CCND3: variants seen among roughly 807,000 people sequenced by gnomAD.
CCND3 encodes the protein G1/S-specific cyclin-D3.
CCND3 carries 9 observed loss-of-function variants against 28.7 expected under a neutral mutation model. That is an observed-to-expected ratio of 0.31 (90% confidence interval 0.19 to 0.55). The LOEUF (loss-of-function observed/expected upper bound fraction) is 0.55, where lower values mean the gene tolerates loss of function less well. Ranked by LOEUF, CCND3 falls within the 20% of genes least tolerant of loss-of-function variation. CCND3 has a pLI of 0.93. For synonymous variants in CCND3, 164 were observed against 163.9 expected (o/e 1.00, Z 0.00); for missense variants, 315 against 385.8 (o/e 0.82, Z 1.54).
chr6:41,940,822 G>A, intron 1 of CCND3: 1 of 1,011,514 alleles, frequency 9.9e-7, no homozygotes, highest in Non-Finnish European at 1.6e-6. Context: ...AAGCCAAGGA[G>A]CCCTTGCTCA....
At chr6:41,971,487 G>T (rs932534194) in intron 1 of CCND3, among the ~76,000 whole-genome samples, 1 of 152,086 alleles carries the variant, frequency 6.6e-6, no homozygotes, top group Non-Finnish European at 1.5e-5. Flanking sequence ...AACAGAGGCT[G>T]AGAGAGGTGG....
chr6:41,941,087 C>A lies in CCND3; in HGVS notation c.198+365G>T, dbSNP rs1775997777. The stretch of plus-strand genomic sequence containing the variant: ...AAAGACACAGGAACCGGCTCCCGGG[C>A]GGGGGCGGCCGAGCCCAGGGTTTTC... On this transcript the variant is annotated intron_variant, in intron 1 of 4. Coordinates refer to ENST00000372991, the MANE Select transcript of CCND3 (RefSeq NM_001760.5). The surrounding 1 kb of genome is among the most constrained non-coding windows in gnomAD (Gnocchi z 6.1). 2 of 1,549,972 alleles carry A rather than the reference C, an allele frequency of 1.3e-6. No individual in the cohort carries two copies. The highest frequency in any genetic ancestry group is 8.7e-7 in the Non-Finnish European group (1 of 1,148,650).
In CCND3 at chr6:41,986,379, TAAACATTAATTCTTCCAATTCATGA is replaced by T. The variant is rs1762480993; in HGVS notation, c.-45-45819_-45-45795del. ...AGGTAACGTCAGGTAATAATTAATT[TAAACATTAATTCTTCCAATTCATGA>T]ACACAGAATATCATTCCATTTATTT... On this transcript the variant is annotated intron_variant, in intron 1 of 4. Transcript: ENST00000372988. Among the ~76,000 whole-genome samples, 4 of 2,972 alleles carry T rather than the reference TAAACATTAATTCTTCCAATTCATGA, an allele frequency of 1.3e-3. 1 individual carries two copies. The South Asian group carries it at 0.67, about 495-fold the overall frequency. 1.9% of individuals were successfully genotyped at this position (2,972 alleles called of 152,430 possible). A position where few individuals can be genotyped will look rare whatever the true frequency, so the allele number is the denominator to read the frequency against.
chr6:42,004,625 G>A (rs564371845), intron 1 of CCND3, among the ~76,000 whole-genome samples: 33 of 152,122 alleles, frequency 2.2e-4, no homozygotes, highest in Non-Finnish European at 3.7e-4. Flanking sequence ...CCAGCTACTC[G>A]GAGGCTGAGG....
At chr6:41,971,103 A>G (rs1322351437) in intron 1 of CCND3, among the ~76,000 whole-genome samples, 3 of 151,900 alleles carry the variant, frequency 2.0e-5, no homozygotes, top group Non-Finnish European at 4.4e-5. Flanking sequence ...TTTTTAGTAA[A>G]GACGGGGTTT....
rs889701960 is a variant in CCND3, at chr6:41,941,709, G to A, written c.-60C>T. ...GCTCGCGAGTCCCAAGGCAGGCGACGGGCCGGAGAGCGCGGGGCGCGGGTC... is the reference window on the plus strand; with the variant it reads ...GCTCGCGAGTCCCAAGGCAGGCGACAGGCCGGAGAGCGCGGGGCGCGGGTC... On this transcript the variant is annotated 5_prime_UTR_variant, in exon 1 of 5. Coordinates refer to ENST00000372991, the MANE Select transcript of CCND3 (RefSeq NM_001760.5). This position sits in a 1 kb window ranked among gnomAD's most constrained non-coding sequence, Gnocchi z 6.1. 4 of 1,201,364 alleles carry A rather than the reference G, an allele frequency of 3.3e-6. No individual in the cohort carries two copies. In the South Asian group the frequency reaches 7.4e-5, roughly 22 times the overall value. 74.4% of individuals were successfully genotyped at this position (1,201,364 alleles called of 1,614,324 possible).
intron 1 of CCND3, among the ~76,000 whole-genome samples, chr6:42,028,863 G>A (rs1249712152): frequency 2.0e-5 from 3 of 152,268 alleles, no homozygotes; most frequent in Non-Finnish European, 2.9e-5. Context: ...GTTCGTGTTC[G>A]CTATTTTCAA....
intron 1 of CCND3, among the ~76,000 whole-genome samples, chr6:41,971,721 A>T (rs1280170353): frequency 5.3e-5 from 8 of 150,690 alleles, no homozygotes; most frequent in African/African-American, 1.5e-4. Context: ...TGTATTTCTA[A>T]TAGAGACGGG....
At chr6:41,966,485 G>C (rs570328292) in intron 1 of CCND3, among the ~76,000 whole-genome samples, 2 of 152,226 alleles carry the variant, frequency 1.3e-5, no homozygotes, top group African/African-American at 4.8e-5. Flanking sequence ...TCTTAGGCAT[G>C]GAGCCCAGGT....
intron 1 of CCND3, among the ~76,000 whole-genome samples, chr6:41,953,052 A>C (rs1582101846): frequency 6.6e-6 from 1 of 152,062 alleles, no homozygotes; most frequent in Non-Finnish European, 1.5e-5. Flanking sequence ...CAGGCAGATC[A>C]CCTGAGGTCG....
chr6:41,960,970 CA>C (rs1266241800), intron 1 of CCND3, among the ~76,000 whole-genome samples: 3 of 152,132 alleles, frequency 2.0e-5, no homozygotes, highest in African/African-American at 4.8e-5. Context: ...TCTCCACTTT[CA>C]GGAGTTTCCC....
At chr6:42,007,361 G>A (rs776356246) in intron 1 of CCND3, among the ~76,000 whole-genome samples, 6 of 152,184 alleles carry the variant, frequency 3.9e-5, no homozygotes, top group Non-Finnish European at 5.9e-5. Context: ...TGGCCATGAG[G>A]GTGGCTAGTA....
At chr6:41,996,123 A>AAT (rs200911314) in intron 1 of CCND3, among the ~76,000 whole-genome samples, 22 of 96,946 alleles carry the variant, frequency 2.3e-4, no homozygotes, top group South Asian at 1.2e-3. Context: ...ATATATATAT[A>AAT]ATATATATAT....
chr6:42,008,337 C>T (rs183026678), intron 1 of CCND3, among the ~76,000 whole-genome samples: 4 of 152,096 alleles, frequency 2.6e-5, no homozygotes, highest in East Asian at 1.9e-4. Flanking sequence ...GAGATCATGC[C>T]GCTGCATTCC....
At chr6:42,046,653 C>T (rs1043307713) in intron 1 of CCND3, among the ~76,000 whole-genome samples, 8 of 152,172 alleles carry the variant, frequency 5.3e-5, no homozygotes, top group South Asian at 4.1e-4. Context: ...CACACGCGCG[C>T]GCACACACAC....
At chr6:42,023,396 G>A (rs1434069529) in intron 1 of CCND3, among the ~76,000 whole-genome samples, 1 of 152,216 alleles carries the variant, frequency 6.6e-6, no homozygotes, top group African/African-American at 2.4e-5. Flanking sequence ...TGTGGGGCAT[G>A]AGTTCAATGT....
chr6:41,964,464 G>A (rs28685271), intron 1 of CCND3, among the ~76,000 whole-genome samples: 156 of 18,168 alleles, frequency 8.6e-3, no homozygotes, highest in Admixed American at 0.017. Flanking sequence ...CTGTGTGTGA[G>A]TGTGTGTGTG....
chr6:41,959,905 G>A (rs1761665422), intron 1 of CCND3, among the ~76,000 whole-genome samples: 1 of 149,856 alleles, frequency 6.7e-6, no homozygotes, highest in Non-Finnish European at 1.5e-5. Flanking sequence ...GCAGTGAGCT[G>A]AGATCGCGAC....
upstream of CCND3, among the ~76,000 whole-genome samples, chr6:42,049,495 C>T (rs908542741): frequency 3.3e-5 from 5 of 152,176 alleles, no homozygotes; most frequent in Admixed American, 2.0e-4. Context: ...GGATCCAAGC[C>T]CAGAATCTGC....
Sources: gnomAD v4.1 joint callset for allele counts (sites outside exome capture counted in the v4.1 genomes callset) on GRCh38, gnomAD v4.1.1 for gene constraint, Gnocchi (gnomAD v3.1) non-coding constraint, MANE v1.5 for transcripts, NCBI Gene and HGNC (gene_info 2026-07-23, HGNC 2026-07-21) for gene names.